USP35: variants seen among roughly 807,000 people sequenced by gnomAD.
The protein encoded by USP35 is ubiquitin specific peptidase 35, also known as ubiquitin carboxyl-terminal hydrolase 35.
USP35 carries 69 observed loss-of-function variants against 83.8 expected under a neutral mutation model. The observed-to-expected ratio is 0.82, with a 90% confidence interval of 0.68 to 1.01. The LOEUF (loss-of-function observed/expected upper bound fraction) is 1.01. Among genes scored for constraint, USP35 ranks in the 50% least tolerant of loss-of-function variants. The pLI, the probability that USP35 is intolerant of heterozygous loss-of-function variation, is 0.00. For missense variants in USP35, 1,503 were observed against 1,362.5 expected (o/e 1.10, Z -1.62); for synonymous variants, 714 against 589.5 (o/e 1.21, Z -3.06).
downstream of USP35, chr11:78,215,339 ACAGT>A (rs1864066864): frequency 6.6e-6 from 1 of 152,568 alleles, no homozygotes; most frequent in African/African-American, 2.4e-5. Context: ...CTCCAACACC[ACAGT>A]AGAAAGGGAC....
At chr11:78,230,171 T>C in the USP35 span, among the ~76,000 whole-genome samples, 1,725 of 152,380 alleles carry the variant, frequency 0.011, 30 homozygotes, top group African/African-American at 0.032. Flanking sequence ...AACAAACGTA[T>C]GTTGCTGCTA....
In USP35 at chr11:78,196,309, G is replaced by C. The variant is rs767955652; in HGVS notation, c.64G>C (p.Val22Leu). Residue 22 changes from valine to leucine, a missense_variant, in exon 2 of 11, where the codon GTT becomes CTT. Transcript: ENST00000529308. The surrounding 1 kb of genome is among the most constrained non-coding windows in gnomAD (Gnocchi z 4.8). The part of the protein sequence containing the change: ...SYPVSVKQGL[V>L]RRVLEAARQP... ...CCCGGTCAGCGTGAAGCAGGGGCTG[G>C]TTCGGCGCGTGCTGGAGGCGGCGCG... The C allele has an allele frequency of 6.3e-7, 1 of 1,592,356 alleles. No homozygotes were observed. Among genetic ancestry groups the C allele is most frequent in the Non-Finnish European group, 8.5e-7 (1 of 1,176,456 alleles).
chr11:78,197,475 T>C (rs1427854994), intron 2 of USP35, among the ~76,000 whole-genome samples: 1 of 152,106 alleles, frequency 6.6e-6, no homozygotes, highest in Non-Finnish European at 1.5e-5. Flanking sequence ...TGAAAGCAGA[T>C]GTGTGCCTTC....
the USP35 span, chr11:78,225,027 G>T: frequency 3.6e-6 from 3 of 832,366 alleles, no homozygotes; most frequent in South Asian, 1.5e-5. Context: ...AATCTTTTGG[G>T]GTTGTGCTTT....
Position 78,209,954 on chromosome 11 carries a change from C to T in USP35, c.2099C>T (p.Thr700Ile), listed in dbSNP as rs188879785. The change falls in exon 10 of 11, where the codon ACC (threonine) becomes ATC (isoleucine). Residue 700 changes from threonine to isoleucine, a missense_variant. Transcript: ENST00000529308. ...GAAGTGGGGGAGGAGGAGGAAAGCA[C>T]CAGAGGGGAAGGAGAGAGGGAGAAA... The part of the protein sequence containing the change: ...KEEVGEEEES[T>I]RGEGEREKEE... 6.7e-5 allele frequency: 108 copies of T among 1,607,758 alleles called. No homozygotes were observed. The African/African-American group carries it at 1.1e-3, about 17-fold the overall frequency.
the USP35 span, chr11:78,222,163 T>C: frequency 6.2e-7 from 1 of 1,613,986 alleles, no homozygotes. Context: ...TCGATGACGG[T>C]GTTGTTCCTC....
intron 3 of USP35, chr11:78,199,387 G>A: frequency 1.5e-6 from 1 of 657,562 alleles, no homozygotes; most frequent in Non-Finnish European, 2.5e-6. Context: ...CTTCTTGGTG[G>A]GCTGGGAGCC....
intron 7 of USP35, chr11:78,207,289 G>GGTCA: frequency 2.2e-6 from 1 of 457,524 alleles, no homozygotes; most frequent in Non-Finnish European, 4.0e-6. Flanking sequence ...GGGCTACAAG[G>GGTCA]GTCACCTTTG....
At chr11:78,235,916 A>G in the USP35 span, among the ~76,000 whole-genome samples, 1 of 152,176 alleles carries the variant, frequency 6.6e-6, no homozygotes, top group Non-Finnish European at 1.5e-5. Flanking sequence ...TCTTTTCAGC[A>G]ACGCCCCACT....
rs1290161212 is a variant in USP35 at position 78,210,352 on chromosome 11, C to A, written c.2497C>A (p.Leu833Ile). The A allele has an allele frequency of 1.9e-6, 3 of 1,612,480 alleles. No homozygotes were observed. The Admixed American group carries it at 5.0e-5, about 27-fold the overall frequency. The change falls in exon 10 of 11, where the codon CTC becomes ATC. Residue 833 changes from leucine to isoleucine, a missense_variant. Physicochemically the swap from Leu to Ile is conservative, Grantham distance 5 (BLOSUM62 2). Transcript: ENST00000529308. ...ILDDVSIPLL[L>I]RLPLAGGRGQ... ...GGATGACGTCTCCATCCCCCTGCTG[C>A]TCCGCCTGCCACTGGCTGGTGGCCG...
chr11:78,233,443 A>G, the USP35 span, among the ~76,000 whole-genome samples: 1 of 152,164 alleles, frequency 6.6e-6, no homozygotes. Context: ...TGGTTACTGG[A>G]CATTCCTATA....
the USP35 span, among the ~76,000 whole-genome samples, chr11:78,226,205 C>T: frequency 6.6e-6 from 1 of 152,194 alleles, no homozygotes; most frequent in Non-Finnish European, 1.5e-5. Flanking sequence ...TGTGGTTAAT[C>T]AAGAATGTCC....
At chr11:78,200,889 G>A in intron 6 of USP35, 81 bp downstream of exon 6, 1 of 1,503,302 alleles carries the variant, frequency 6.7e-7, no homozygotes, top group Non-Finnish European at 8.9e-7. Flanking sequence ...CCATACCACA[G>A]CTTGGTGGCA....
At chr11:78,235,511 T>A in the USP35 span, among the ~76,000 whole-genome samples, 1 of 152,196 alleles carries the variant, frequency 6.6e-6, no homozygotes, top group African/African-American at 2.4e-5. Flanking sequence ...TATGCTCTGC[T>A]TTCCCTTATA....
chr11:78,204,125 C>T (rs1481889638), intron 6 of USP35, among the ~76,000 whole-genome samples: 8 of 151,710 alleles, frequency 5.3e-5, no homozygotes, highest in East Asian at 1.9e-4. Flanking sequence ...CTCCTGACCT[C>T]GTGATCCGCC....
chr11:78,199,828 C>G, intron 4 of USP35, 104 bp downstream of exon 4: 1 of 1,566,726 alleles, frequency 6.4e-7, no homozygotes, highest in Middle Eastern at 2.0e-4. Context: ...ACCCACCAAG[C>G]TCGCTGTGTG....
the USP35 span, among the ~76,000 whole-genome samples, chr11:78,230,294 C>T: frequency 2.0e-5 from 3 of 152,218 alleles, no homozygotes; most frequent in Non-Finnish European, 4.4e-5. Context: ...CCTCCTGTCT[C>T]GCTCACAGAA....
chr11:78,207,727 C>T, intron 8 of USP35, 104 bp downstream of exon 8: 1 of 1,189,292 alleles, frequency 8.4e-7, no homozygotes, highest in Non-Finnish European at 1.2e-6. Flanking sequence ...TGGCTGTCAT[C>T]TCCCATGTCA....
At chr11:78,198,715 C>T (rs1863233201) in intron 3 of USP35, 5 of 985,070 alleles carry the variant, frequency 5.1e-6, no homozygotes, top group Non-Finnish European at 6.0e-6. Flanking sequence ...TGTGGGCTCT[C>T]GAGGTAAGTT....
Sources: gnomAD v4.1 joint callset for allele counts (sites outside exome capture counted in the v4.1 genomes callset) on GRCh38, gnomAD v4.1.1 for gene constraint, Gnocchi (gnomAD v3.1) non-coding constraint, MANE v1.5 for transcripts, NCBI Gene and HGNC (gene_info 2026-07-23, HGNC 2026-07-21) for gene names.